Variants in LRP1B observed in about 807,000 individuals in gnomAD.
LRP1B encodes low-density lipoprotein receptor-related protein 1B.
A neutral mutation model predicts 556.6 loss-of-function variants in LRP1B; 217 were observed. The ratio of observed to expected loss-of-function variants is 0.39; its 90% confidence interval spans 0.35 to 0.44. The LOEUF is 0.44. Ranked by LOEUF, LRP1B falls within the 20% of genes least tolerant of loss-of-function variation. The pLI is 1.00. For missense variants in LRP1B, 5,053 were observed against 5,620.8 expected (o/e 0.90, Z 3.23); for synonymous variants, 2,047 against 1,865.8 (o/e 1.10, Z -2.50).
intron 41 of LRP1B, among the ~76,000 whole-genome samples, chr2:140,627,612 G>A (rs1683710982): frequency 6.6e-6 from 1 of 152,094 alleles, no homozygotes; most frequent in African/African-American, 2.4e-5. Flanking sequence ...AGCCTATTGT[G>A]GGATTTCACC....
chr2:141,657,327 C>G (rs989738704), intron 2 of LRP1B, among the ~76,000 whole-genome samples: 1 of 152,034 alleles, frequency 6.6e-6, no homozygotes, highest in Non-Finnish European at 1.5e-5. Flanking sequence ...GTAGATTTCT[C>G]AAGACTGAAC....
At chr2:141,996,711 T>TG (rs1369557033) in intron 1 of LRP1B, among the ~76,000 whole-genome samples, 1 of 86,774 alleles carries the variant, frequency 1.2e-5, no homozygotes, top group Non-Finnish European at 2.2e-5. Flanking sequence ...AAATTTTTTC[T>TG]TTCCCCCCCC....
chr2:141,997,786 G>T (rs528381801), intron 1 of LRP1B, among the ~76,000 whole-genome samples: 1 of 151,112 alleles, frequency 6.6e-6, no homozygotes, highest in South Asian at 2.1e-4. Context: ...CCTTTCTCTT[G>T]CCACCCTGTG....
At chr2:141,659,830 T>G (rs908772046) in intron 2 of LRP1B, among the ~76,000 whole-genome samples, 2 of 151,912 alleles carry the variant, frequency 1.3e-5, no homozygotes, top group African/African-American at 4.8e-5. Flanking sequence ...ATAACAAAAA[T>G]CATAAAAGTC....
At chr2:141,490,649 T>G (rs1177825845) in intron 2 of LRP1B, among the ~76,000 whole-genome samples, 2 of 152,068 alleles carry the variant, frequency 1.3e-5, no homozygotes, top group Admixed American at 6.6e-5. Flanking sequence ...TGACCTTTCA[T>G]TACAAAAGCA....
At chr2:141,139,308 G>T (rs1701572960) in intron 7 of LRP1B, among the ~76,000 whole-genome samples, 2 of 151,668 alleles carry the variant, frequency 1.3e-5, no homozygotes, top group African/African-American at 4.8e-5. Flanking sequence ...GTTAAGCAAA[G>T]ATTAAATTTA....
chr2:140,279,681 T>G (rs142521948), intron 84 of LRP1B, among the ~76,000 whole-genome samples: 1 of 151,938 alleles, frequency 6.6e-6, no homozygotes, highest in Non-Finnish European at 1.5e-5. Context: ...TTTAGCAAAG[T>G]ATGAAGAATA....
intron 7 of LRP1B, among the ~76,000 whole-genome samples, chr2:141,102,108 T>C (rs1429214539): frequency 6.6e-6 from 1 of 152,170 alleles, no homozygotes; most frequent in Non-Finnish European, 1.5e-5. Flanking sequence ...CCAAAGTTTA[T>C]GGTTGCTTAT....
At chr2:140,732,500 T>G (rs1031582876) in intron 35 of LRP1B, among the ~76,000 whole-genome samples, 1 of 152,090 alleles carries the variant, frequency 6.6e-6, no homozygotes, top group African/African-American at 2.4e-5. Context: ...AAAAAAGTAT[T>G]CACATGAGCT....
chr2:140,922,325 C>G (rs73964747), intron 21 of LRP1B, among the ~76,000 whole-genome samples: 1 of 150,330 alleles, frequency 6.7e-6, no homozygotes. Context: ...CGCACACACA[C>G]GAAACCAAAA....
At chr2:141,029,987 T>C (rs1325794034) in intron 11 of LRP1B, among the ~76,000 whole-genome samples, 3 of 152,140 alleles carry the variant, frequency 2.0e-5, no homozygotes, top group Non-Finnish European at 4.4e-5. Context: ...AAATGTCCCA[T>C]GGAAGACAAA....
chr2:141,139,678 T>TA (rs1322190891), intron 7 of LRP1B, among the ~76,000 whole-genome samples: 3 of 151,862 alleles, frequency 2.0e-5, no homozygotes, highest in Non-Finnish European at 2.9e-5. Flanking sequence ...AGCTAGAATT[T>TA]AAAAAAGACC....
At chr2:140,327,018 T>C (rs1680524081) in intron 79 of LRP1B, among the ~76,000 whole-genome samples, 1 of 152,156 alleles carries the variant, frequency 6.6e-6, no homozygotes, top group African/African-American at 2.4e-5. Context: ...AATTCTATAA[T>C]ACATCTTCAC....
intron 31 of LRP1B, among the ~76,000 whole-genome samples, chr2:140,838,053 T>C (rs1227757068): frequency 6.6e-6 from 1 of 152,162 alleles, no homozygotes; most frequent in Non-Finnish European, 1.5e-5. Flanking sequence ...TTATAAGCTG[T>C]TAGGCCTTTT....
chr2:141,116,463 T>C (rs1396744404), intron 7 of LRP1B, among the ~76,000 whole-genome samples: 7 of 152,136 alleles, frequency 4.6e-5, no homozygotes, highest in Admixed American at 2.6e-4. Context: ...CCCCTTCTAA[T>C]AGCCATATAA....
At chr2:140,291,318 A>ATATATATATATATTTTTT (rs369391920) in intron 84 of LRP1B, among the ~76,000 whole-genome samples, 4 of 109,320 alleles carry the variant, frequency 3.7e-5, no homozygotes, top group East Asian at 2.7e-4. Context: ...ATATATATAT[A>ATATATATATATATTTTTT]TTTTTATTAT....
chr2:140,688,111 C>T (rs752134178), intron 41 of LRP1B, among the ~76,000 whole-genome samples: 6 of 151,794 alleles, frequency 4.0e-5, no homozygotes, highest in Non-Finnish European at 8.8e-5. Flanking sequence ...TTACCTCATT[C>T]AAGTCAAAAC....
chr2:142,130,628 C>T lies in LRP1B; in HGVS notation c.82+20G>A, dbSNP rs748602806. 1 of 1,593,600 alleles carries T rather than the reference C, an allele frequency of 6.3e-7. No individual in the cohort carries two copies. The highest frequency in any genetic ancestry group is 8.6e-7 in the Non-Finnish European group (1 of 1,166,670). ...AGCCAAGGAAGTCAGGGGAGGGGAGCGGGGAGGTGTTCTCCTTACCTCGGT... is the reference window on the plus strand; with the variant it reads ...AGCCAAGGAAGTCAGGGGAGGGGAGTGGGGAGGTGTTCTCCTTACCTCGGT... On this transcript the variant is annotated intron_variant, in intron 1 of 90. Transcript: ENST00000389484.
intron 1 of LRP1B, among the ~76,000 whole-genome samples, chr2:141,825,778 A>G (rs1696900142): frequency 6.6e-6 from 1 of 152,226 alleles, no homozygotes; most frequent in Admixed American, 6.5e-5. Flanking sequence ...TTTATTAAAA[A>G]GAAGAGGCCT....
Sources: allele counts gnomAD v4.1 joint callset (sites outside exome capture counted in the v4.1 genomes callset), GRCh38; gene constraint gnomAD v4.1.1; transcripts MANE v1.5; gene names NCBI Gene and HGNC (gene_info 2026-07-23, HGNC 2026-07-21).